MGAT5: variants seen among roughly 807,000 people sequenced by gnomAD.
MGAT5 encodes the protein alpha-1,6-mannosylglycoprotein 6-beta-N-acetylglucosaminyltransferase A.
A neutral mutation model predicts 94.3 loss-of-function variants in MGAT5; 30 were observed. The observed-to-expected ratio is 0.32, with a 90% CI of 0.24 to 0.43. The LOEUF (loss-of-function observed/expected upper bound fraction) is 0.43, where lower values mean the gene tolerates loss of function less well. Ranked by LOEUF, MGAT5 falls within the 20% of genes least tolerant of loss-of-function variation. The pLI, the probability that MGAT5 is intolerant of heterozygous loss-of-function variation, is 1.00. For missense variants in MGAT5, 691 were observed against 905.5 expected (o/e 0.76, Z 3.04); for synonymous variants, 310 against 322.9 (o/e 0.96, Z 0.43).
chr2:134,173,856 G>C (rs114269647), intron 1 of MGAT5, among the ~76,000 whole-genome samples: 3 of 152,192 alleles, frequency 2.0e-5, no homozygotes, highest in African/African-American at 4.8e-5. Flanking sequence ...AGCCTTCAGC[G>C]TATAAAGCAC....
intron 1 of MGAT5, among the ~76,000 whole-genome samples, chr2:134,204,737 C>T (rs1679950118): frequency 1.3e-5 from 2 of 152,156 alleles, no homozygotes; most frequent in Non-Finnish European, 2.9e-5. Context: ...AATTGTAAAA[C>T]CATTCAGTCA....
intron 10 of MGAT5, among the ~76,000 whole-genome samples, chr2:134,385,838 A>C (rs941295041): frequency 6.6e-6 from 1 of 152,214 alleles, no homozygotes; most frequent in Non-Finnish European, 1.5e-5. Flanking sequence ...ATTAGGCTTG[A>C]TAAATGCTTA....
At chr2:134,230,873 T>C (rs1416548184) in intron 1 of MGAT5, among the ~76,000 whole-genome samples, 1 of 152,118 alleles carries the variant, frequency 6.6e-6, no homozygotes, top group Non-Finnish European at 1.5e-5. Flanking sequence ...CAAACGCTCA[T>C]AGCAGTTTTA....
At chr2:134,380,130 T>G (rs1681441027) in intron 10 of MGAT5, among the ~76,000 whole-genome samples, 1 of 152,188 alleles carries the variant, frequency 6.6e-6, no homozygotes, top group Non-Finnish European at 1.5e-5. Flanking sequence ...ACAAGGAGCG[T>G]GTTGTTCAGA....
chr2:134,405,516 G>T (rs932767892), intron 11 of MGAT5, among the ~76,000 whole-genome samples: 2 of 152,198 alleles, frequency 1.3e-5, no homozygotes, highest in African/African-American at 4.8e-5. Context: ...GACCAGTCAG[G>T]CTTCGCATCT....
At chr2:134,334,323 T>C (rs1688201025) in intron 4 of MGAT5, among the ~76,000 whole-genome samples, 1 of 152,058 alleles carries the variant, frequency 6.6e-6, no homozygotes, top group South Asian at 2.1e-4. Context: ...GAGAGAACTT[T>C]ATGAGTATCT....
At chr2:134,354,589 G>A (rs1679605010) in intron 9 of MGAT5, among the ~76,000 whole-genome samples, 1 of 152,072 alleles carries the variant, frequency 6.6e-6, no homozygotes, top group Admixed American at 6.5e-5. Context: ...TCTACAAATT[G>A]AAGAACCTTG....
chr2:134,369,699 G>A (rs1680658722), intron 10 of MGAT5, among the ~76,000 whole-genome samples: 2 of 146,414 alleles, frequency 1.4e-5, no homozygotes, highest in South Asian at 2.2e-4. Context: ...GCTGTCTTGG[G>A]TGTGGTGATA....
intron 2 of MGAT5, among the ~76,000 whole-genome samples, chr2:134,271,828 TCCC>T (rs1684047215): frequency 6.6e-6 from 1 of 152,088 alleles, no homozygotes; most frequent in Admixed American, 6.6e-5. Flanking sequence ...CAAGAGAACC[TCCC>T]ACTGTGTTTA....
At chr2:134,286,833 T>A (rs776927361) in intron 2 of MGAT5, among the ~76,000 whole-genome samples, 4 of 152,226 alleles carry the variant, frequency 2.6e-5, no homozygotes, top group Non-Finnish European at 5.9e-5. Flanking sequence ...TGTGAAGATC[T>A]TGTTCCTTTG....
chr2:134,163,508 A>T (rs1439666888), intron 1 of MGAT5, among the ~76,000 whole-genome samples: 1 of 152,178 alleles, frequency 6.6e-6, no homozygotes, highest in African/African-American at 2.4e-5. Context: ...TAGCAATTCG[A>T]CTGGCTGTGG....
At chr2:134,420,434 G>A (rs1009935065) in intron 12 of MGAT5, among the ~76,000 whole-genome samples, 5 of 152,188 alleles carry the variant, frequency 3.3e-5, no homozygotes, top group Non-Finnish European at 5.9e-5. Context: ...GACTGATGAC[G>A]GGCTGCTGCT....
chr2:134,309,790 G>C (rs1686542728), intron 2 of MGAT5, among the ~76,000 whole-genome samples: 1 of 152,120 alleles, frequency 6.6e-6, no homozygotes, highest in East Asian at 1.9e-4. Flanking sequence ...GAGAATCTCA[G>C]TCCTAGGTCC....
chr2:134,166,713 A>C (rs1331098072), intron 1 of MGAT5, among the ~76,000 whole-genome samples: 1 of 152,196 alleles, frequency 6.6e-6, no homozygotes, highest in Non-Finnish European at 1.5e-5. Context: ...AGGTATAAAA[A>C]AGGTTTTATT....
chr2:134,414,242 G>A (rs1044306578), intron 12 of MGAT5, among the ~76,000 whole-genome samples: 7 of 149,910 alleles, frequency 4.7e-5, no homozygotes, highest in African/African-American at 1.7e-4. Context: ...AGGTCAGTTT[G>A]TTCATTTATA....
intron 2 of MGAT5, among the ~76,000 whole-genome samples, chr2:134,305,994 A>G (rs1686305258): frequency 6.6e-6 from 1 of 152,158 alleles, no homozygotes; most frequent in African/African-American, 2.4e-5. Flanking sequence ...GTATGTTAGC[A>G]TTATATCTTA....
chr2:134,230,206 C>T (rs1207509065), intron 1 of MGAT5, among the ~76,000 whole-genome samples: 2 of 152,218 alleles, frequency 1.3e-5, no homozygotes, highest in Non-Finnish European at 2.9e-5. Flanking sequence ...ACCTGGATCC[C>T]TCACATGCAC....
At position 134,209,141 on chromosome 2, in the gene MGAT5, ATTTTTTT is replaced by A. The variant is rs1488529353; in HGVS notation, c.-142-45117_-142-45111del. ...GAGGGATTGTATATAGAACTGGCTT[ATTTTTTT>A]TTTATTTTTTTTTTTTTTTTTATTT... On this transcript the variant is annotated intron_variant, in intron 1 of 16. Coordinates refer to the MGAT5 transcript ENST00000409645. 2.5e-4 allele frequency among the ~76,000 whole-genome samples: 4 copies of A among 16,084 alleles called. 1 individual carries two copies. The highest frequency in any genetic ancestry group is 3.5e-4 in the Non-Finnish European group (4 of 11,414). The allele number at this position is 16,084 out of a possible 152,430, so 10.6% of individuals were successfully genotyped here. A position where few individuals can be genotyped will look rare whatever the true frequency, so the allele number is the denominator to read the frequency against.
chr2:134,301,347 C>CT (rs1425595094), intron 2 of MGAT5, among the ~76,000 whole-genome samples: 4 of 152,056 alleles, frequency 2.6e-5, no homozygotes, highest in African/African-American at 9.7e-5. Flanking sequence ...ATGAGCCTGT[C>CT]TTTTTTTCTA....
Sources: gnomAD v4.1 joint callset for allele counts (sites outside exome capture counted in the v4.1 genomes callset) on GRCh38, gnomAD v4.1.1 for gene constraint, MANE v1.5 for transcripts, NCBI Gene and HGNC (gene_info 2026-07-23, HGNC 2026-07-21) for gene names.